The following GLB1 variants were observed in gnomAD, a reference collection of about 807,000 sequenced individuals.
GLB1 encodes galactosidase beta 1.
In GLB1, 56 loss-of-function variants were observed where a neutral mutation model predicts 74.0. The ratio of observed to expected loss-of-function variants is 0.76; its 90% CI spans 0.61 to 0.94. GLB1 has a LOEUF of 0.94. Ranked by LOEUF, GLB1 falls within the 40% of genes least tolerant of loss-of-function variation. The pLI, the probability that GLB1 is intolerant of heterozygous loss-of-function variation, is 0.00. For synonymous variants in GLB1, 323 were observed against 323.6 expected (o/e 1.00, Z 0.02); for missense variants, 787 against 845.5 (o/e 0.93, Z 0.86).
chr3:33,093,635 G>T lies in GLB1; in HGVS notation c.75+3376C>A, dbSNP rs748414562. ...GCACCTCCACAGTTTTCACAGCCGG[G>T]GGCTGCGCGGCATTCAGAATCCCGG... On this transcript the variant is annotated intron_variant, in intron 1 of 15. Coordinates refer to ENST00000307363, the MANE Select transcript of GLB1 (RefSeq NM_000404.4). This position sits in a 1 kb window ranked among gnomAD's most constrained non-coding sequence, Gnocchi z 6.0. The T allele has an allele frequency of 2.5e-6, 4 of 1,614,152 alleles. No individual in the cohort carries two copies. In the East Asian group the frequency reaches 8.9e-5, roughly 36 times the overall value.
Position 33,053,516 on chromosome 3 carries a change from C to A in GLB1, c.767G>T (p.Arg256Met). The change falls in exon 7 of 16, where the codon AGG (arginine) becomes ATG (methionine). Residue 256 changes from arginine to methionine, a missense_variant. Physicochemically the swap from Arg to Met is moderately conservative, Grantham distance 91 (BLOSUM62 -1). Transcript: ENST00000307363. ...SNITDAFLSQ[R>M]KCEPKGPLIN... ...CAAGGGTCCTTTGGGCTCACACTTC[C>A]TCTGGCTTAGGAAAGCATCTGTGAT... 6.2e-7 allele frequency: 1 copy of A among 1,614,178 alleles called. No individual in the cohort carries two copies. The highest frequency in any genetic ancestry group is 8.5e-7 in the Non-Finnish European group (1 of 1,180,020).
chr3:33,074,312 A>C (rs1033511205), intron 1 of GLB1, among the ~76,000 whole-genome samples: 2 of 137,140 alleles, frequency 1.5e-5, no homozygotes, highest in African/African-American at 2.7e-5. Context: ...CCGTCAAAAG[A>C]AAGAACGAGA....
Position 33,042,398 on chromosome 3 carries a change from C to T in GLB1, c.1068+3722G>A, listed in dbSNP as rs1202154877. Among the ~76,000 whole-genome samples, 5 of 108,810 alleles carry T rather than the reference C, an allele frequency of 4.6e-5. No individual in the cohort carries two copies. In the East Asian group the frequency reaches 1.1e-3, roughly 24 times the overall value. The allele number at this position is 108,810 out of a possible 152,430, so 71.4% of individuals were successfully genotyped here. On this transcript the variant is annotated intron_variant, in intron 10 of 15. Coordinates refer to ENST00000307363, the MANE Select transcript of GLB1 (RefSeq NM_000404.4). ...TTTTTTTTTTTTTTTTTCCAAGTCTCGCTCTGTCGCCCAGGCTGGAGTGCA... is the reference window on the plus strand; with the variant it reads ...TTTTTTTTTTTTTTTTTCCAAGTCTTGCTCTGTCGCCCAGGCTGGAGTGCA...
intron 1 of GLB1, among the ~76,000 whole-genome samples, chr3:33,080,509 A>G (rs1279049966): frequency 6.6e-6 from 1 of 152,184 alleles, no homozygotes; most frequent in African/African-American, 2.4e-5. Flanking sequence ...TTCTGCCCCA[A>G]CACTGGGGGA....
chr3:33,000,136 G>A lies in GLB1; in HGVS notation c.1735-2792C>T, dbSNP rs535894344. On this transcript the variant is annotated intron_variant, in intron 15 of 15. Coordinates refer to ENST00000307363, the MANE Select transcript of GLB1 (RefSeq NM_000404.4). ...TGTACTTTTTTAGAGATGAGGTTTC[G>A]CCATGTTGCCCAGGCTGGTCTCAAA... Among the ~76,000 whole-genome samples, 97 of 151,662 alleles carry A rather than the reference G, an allele frequency of 6.4e-4. 1 individual carries two copies. The East Asian group carries it at 9.6e-3, about 15-fold the overall frequency.
At chr3:33,083,916 C>T (rs1700415165) in intron 1 of GLB1, among the ~76,000 whole-genome samples, 1 of 152,200 alleles carries the variant, frequency 6.6e-6, no homozygotes, top group Admixed American at 6.5e-5. Context: ...CCCTAATCCT[C>T]AGGACTAAAA....
chr3:33,048,266 G>C (rs990330363), intron 9 of GLB1, among the ~76,000 whole-genome samples: 1 of 152,136 alleles, frequency 6.6e-6, no homozygotes, highest in African/African-American at 2.4e-5. Flanking sequence ...GGAAGACTAA[G>C]TATTTGTTCT....
At chr3:32,987,373 G>A in the GLB1 span, among the ~76,000 whole-genome samples, 1 of 152,208 alleles carries the variant, frequency 6.6e-6, no homozygotes, top group Non-Finnish European at 1.5e-5. Context: ...TAAACAGTTG[G>A]TTTAAGCTGA....
chr3:32,984,192 A>C, the GLB1 span, among the ~76,000 whole-genome samples: 1 of 152,020 alleles, frequency 6.6e-6, no homozygotes, highest in East Asian at 1.9e-4. Flanking sequence ...TCTGCTTACA[A>C]CCTATCAGGG....
chr3:32,976,687 A>G, the GLB1 span, among the ~76,000 whole-genome samples: 9 of 152,238 alleles, frequency 5.9e-5, no homozygotes, highest in Middle Eastern at 3.4e-3. Context: ...TGGAAGCTTC[A>G]TGCTTCTTAG....
the GLB1 span, among the ~76,000 whole-genome samples, chr3:32,968,674 A>T: frequency 1.3e-5 from 2 of 152,224 alleles, no homozygotes; most frequent in Non-Finnish European, 2.9e-5. Flanking sequence ...AGAAGAGGAA[A>T]GAAGGAGCCC....
chr3:32,969,469 A>G, the GLB1 span, among the ~76,000 whole-genome samples: 1 of 152,238 alleles, frequency 6.6e-6, no homozygotes, highest in African/African-American at 2.4e-5. Context: ...TGCAAGGGGC[A>G]CCAAAAAGCA....
chr3:33,051,005 G>A (rs1487528431), intron 9 of GLB1, among the ~76,000 whole-genome samples: 1 of 152,072 alleles, frequency 6.6e-6, no homozygotes, highest in Admixed American at 6.5e-5. Context: ...AAGGCAGGTG[G>A]ATCACGAGGT....
At chr3:33,080,585 A>G (rs980803328) in intron 1 of GLB1, among the ~76,000 whole-genome samples, 9 of 152,198 alleles carry the variant, frequency 5.9e-5, no homozygotes, top group Admixed American at 2.0e-4. Context: ...CCTTCAGCCA[A>G]TGAGGGACAA....
intron 1 of GLB1, among the ~76,000 whole-genome samples, chr3:33,076,600 G>A (rs1294407407): frequency 1.3e-5 from 2 of 152,154 alleles, no homozygotes; most frequent in African/African-American, 2.4e-5. Context: ...GCACAGGCGC[G>A]AACCTGAAGA....
At chr3:33,017,440 T>G (rs1697281635) in intron 13 of GLB1, among the ~76,000 whole-genome samples, 1 of 152,220 alleles carries the variant, frequency 6.6e-6, no homozygotes, top group Admixed American at 6.5e-5. Context: ...AACACCCAAG[T>G]TAGAAGCGAA....
chr3:32,996,590 C>A, downstream of GLB1: 1 of 240,734 alleles, frequency 4.2e-6, no homozygotes, highest in Non-Finnish European at 8.2e-6. Context: ...AGCAGCAGTC[C>A]ACAGATCAAA....
chr3:32,998,173 T>A (rs1463209132), intron 15 of GLB1, among the ~76,000 whole-genome samples: 1 of 152,148 alleles, frequency 6.6e-6, no homozygotes, highest in East Asian at 1.9e-4. Context: ...ACAGGGACCA[T>A]GTTTAGGTCT....
In GLB1 at chr3:33,073,251, C is replaced by T. The variant is rs1031489185; in HGVS notation, c.76-538G>A. Among the ~76,000 whole-genome samples, 5 of 152,012 alleles carry T rather than the reference C, an allele frequency of 3.3e-5. No homozygotes were observed. In the East Asian group the frequency reaches 9.6e-4, roughly 29 times the overall value. Reference sequence around the variant, plus strand: ...GACCTGGATAAGTCCCATCTCTAACCCTACCTCTCTTCATCCATAACTATC... The same window carrying T: ...GACCTGGATAAGTCCCATCTCTAACTCTACCTCTCTTCATCCATAACTATC... On this transcript the variant is annotated intron_variant, in intron 1 of 15. Transcript: ENST00000307363.
Sources: allele counts gnomAD v4.1 joint callset (sites outside exome capture counted in the v4.1 genomes callset), GRCh38; gene constraint gnomAD v4.1.1; non-coding constraint Gnocchi (gnomAD v3.1); transcripts MANE v1.5; gene names NCBI Gene and HGNC (gene_info 2026-07-23, HGNC 2026-07-21).